Variants in CTCFL observed in about 807,000 individuals in gnomAD.
CTCFL encodes the protein transcriptional repressor CTCFL.
CTCFL carries 36 observed loss-of-function variants against 67.4 expected under a neutral mutation model. The ratio of observed to expected loss-of-function variants is 0.53; its 90% CI spans 0.41 to 0.71. The LOEUF is 0.71. Among genes scored for constraint, CTCFL ranks in the 30% least tolerant of loss-of-function variants. CTCFL has a pLI of 0.00. For synonymous variants in CTCFL, 324 were observed against 302.3 expected (o/e 1.07, Z -0.75); for missense variants, 786 against 835.2 (o/e 0.94, Z 0.73).
intron 3 of CTCFL, among the ~76,000 whole-genome samples, chr20:57,521,092 T>C (rs2069321839): frequency 6.6e-6 from 1 of 152,230 alleles, no homozygotes; most frequent in Admixed American, 6.5e-5. Context: ...CCCGACAGCC[T>C]TGCAAGAGAG....
chr20:57,507,317 A>C, intron 9 of CTCFL: 1 of 438,920 alleles, frequency 2.3e-6, no homozygotes. Context: ...CCAACCACCC[A>C]AGTAGCTGGG....
chr20:57,506,334 C>T (rs1030405261), intron 9 of CTCFL, among the ~76,000 whole-genome samples: 1 of 152,166 alleles, frequency 6.6e-6, no homozygotes, highest in African/African-American at 2.4e-5. Context: ...GAGACAGTCT[C>T]GCTCTGTTGC....
chr20:57,511,838 A>G (rs1006462559), intron 8 of CTCFL, among the ~76,000 whole-genome samples: 1 of 151,834 alleles, frequency 6.6e-6, no homozygotes, highest in African/African-American at 2.4e-5. Flanking sequence ...AGTGATCCAC[A>G]TGCCTCGGCC....
chr20:57,496,472 A>G (rs2067725661), downstream of CTCFL: 1 of 455,790 alleles, frequency 2.2e-6, no homozygotes, highest in South Asian at 4.6e-5. Flanking sequence ...CATTTTAGCT[A>G]TTTTTAAATG....
chr20:57,508,915 T>C (rs1018766451), intron 8 of CTCFL, 127 bp from the exon 9 acceptor site: 35 of 838,592 alleles, frequency 4.2e-5, no homozygotes, highest in South Asian at 3.8e-4. Context: ...GCAGAATTAC[T>C]GCAAACACAT....
chr20:57,514,863 C>A lies in CTCFL; in HGVS notation c.1181-122G>T, dbSNP rs1600665907. ...CTTTATCAACCCCCTTCTCACCGGA[C>A]AACCCCCAATTAGTATGAGACTCCC... On this transcript the variant is annotated intron_variant, in intron 6 of 10. Coordinates refer to ENST00000243914, the MANE Select transcript of CTCFL (RefSeq NM_001386993.1). 3 of 1,007,638 alleles carry A rather than the reference C, an allele frequency of 3.0e-6. No homozygotes were observed. In the East Asian group the frequency reaches 7.4e-5, roughly 25 times the overall value. 62.4% of individuals were successfully genotyped at this position (1,007,638 alleles called of 1,614,324 possible).
Position 57,523,206 on chromosome 20 carries a change from T to C in CTCFL, c.616A>G (p.Met206Val), listed in dbSNP as rs370388349. The change falls in exon 3 of 11, where the codon ATG becomes GTG. Residue 206 changes from methionine to valine, a missense_variant. Around this residue, in one of 3 missense-constraint regions of CTCFL, gnomAD observed 333 missense variants for 304.6 expected, o/e 1.09. Coordinates refer to ENST00000243914, the MANE Select transcript of CTCFL (RefSeq NM_001386993.1). Reference sequence around the variant, plus strand: ...TCGTCACTTCTTTCATCTCCTGACATTGTTTCCACAAAAAAGAGCTGCTCC... The same window carrying C: ...TCGTCACTTCTTTCATCTCCTGACACTGTTTCCACAAAAAAGAGCTGCTCC... ...TKEQLFFVET[M>V]SGDERSDEIV... 4 of 1,613,972 alleles carry C rather than the reference T, an allele frequency of 2.5e-6. No homozygotes were observed. Among genetic ancestry groups the C allele is most frequent in the Non-Finnish European group, 8.5e-7 (1 of 1,180,022 alleles).
At chr20:57,512,498 C>G (rs2068628282) in intron 8 of CTCFL, 94 bp downstream of exon 8, 5 of 1,283,304 alleles carry the variant, frequency 3.9e-6, no homozygotes. Context: ...AAAAGCATGA[C>G]TTTTCTCAGT....
In CTCFL at chr20:57,508,741, T is replaced by C. The variant is rs2068366673; in HGVS notation, c.1539A>G (p.Pro513=). ...ATTTATTGCAAGAAAGGCAGGTGAATGGTTTCTCTCCAGTGTGGGTACGAA... is the reference window on the plus strand; with the variant it reads ...ATTTATTGCAAGAAAGGCAGGTGAACGGTTTCTCTCCAGTGTGGGTACGAA... ...AHIRTHTGEK[P]FTCLSCNKCF... The change falls in exon 9 of 11, where the codon CCA becomes CCG. Residue 513 remains proline, a synonymous_variant. Coordinates refer to ENST00000243914, the MANE Select transcript of CTCFL (RefSeq NM_001386993.1). 1 of 1,614,094 alleles carries C rather than the reference T, an allele frequency of 6.2e-7. No homozygotes were observed. Among genetic ancestry groups the C allele is most frequent in the Non-Finnish European group, 8.5e-7 (1 of 1,180,048 alleles).
Position 57,522,325 on chromosome 20 carries a change from T to C in CTCFL, c.754+743A>G, listed in dbSNP as rs147293866. 2.9e-4 allele frequency among the ~76,000 whole-genome samples: 44 copies of C among 152,266 alleles called. No individual in the cohort carries two copies. In the East Asian group the frequency reaches 7.7e-3, roughly 27 times the overall value. ...AGATATAATTTAAAAGAGCTAGAAA[T>C]TGAAATTTTGGGGGTGAAATATGTT... is the stretch of plus-strand genomic sequence containing the variant. On this transcript the variant is annotated intron_variant, in intron 3 of 10. Coordinates refer to ENST00000243914, the MANE Select transcript of CTCFL (RefSeq NM_001386993.1).
chr20:57,522,873 AAC>A (rs2069491039), intron 3 of CTCFL, among the ~76,000 whole-genome samples, 193 bp downstream of exon 3: 1 of 152,222 alleles, frequency 6.6e-6, no homozygotes, highest in African/African-American at 2.4e-5. Flanking sequence ...GTGCTTTCAA[AAC>A]GTTTGTGTGT....
At chr20:57,523,570 G>A in intron 2 of CTCFL, 93 bp downstream of exon 2, 1 of 1,500,638 alleles carries the variant, frequency 6.7e-7, no homozygotes, top group Non-Finnish European at 8.9e-7. Flanking sequence ...ATTTGCAACT[G>A]CAAAATACCT....
chr20:57,502,503 G>T (rs187929584), intron 10 of CTCFL, among the ~76,000 whole-genome samples: 1 of 152,232 alleles, frequency 6.6e-6, no homozygotes, highest in Non-Finnish European at 1.5e-5. Context: ...CGTCATCTGT[G>T]GGAACATTCG....
rs747047790 is a variant in CTCFL, at chr20:57,512,721, G to A, written c.1362C>T (p.Ser454=). ...AGTAGCGGCATTTCAGCTCTGCAGC[G>A]CTGTAAGCATGCAAGTTGCGCATAT... is the stretch of plus-strand genomic sequence containing the variant. ...RVHMRNLHAY[S]AAELKCRYCS... Residue 454 remains serine (S), a synonymous_variant, in exon 8 of 11, where the codon AGC becomes AGT. Coordinates refer to ENST00000243914, the MANE Select transcript of CTCFL (RefSeq NM_001386993.1). 6.8e-6 allele frequency: 11 copies of A among 1,614,054 alleles called. No individual in the cohort carries two copies. Among genetic ancestry groups the A allele is most frequent in the East Asian group, 6.7e-5 (3 of 44,902 alleles).
chr20:57,502,381 A>G (rs1017773603), intron 10 of CTCFL, among the ~76,000 whole-genome samples: 1 of 152,236 alleles, frequency 6.6e-6, no homozygotes, highest in Non-Finnish European at 1.5e-5. Context: ...TATCCCAAAT[A>G]GTGCATGGGA....
intron 9 of CTCFL, chr20:57,507,348 C>T (rs1043647190): frequency 7.1e-5 from 38 of 532,832 alleles, no homozygotes; most frequent in East Asian, 1.3e-4. Context: ...TGCACTACCA[C>T]GCCTAGCTAT....
At chr20:57,520,192 C>T (rs1489054124) in intron 3 of CTCFL, among the ~76,000 whole-genome samples, 1 of 152,164 alleles carries the variant, frequency 6.6e-6, no homozygotes, top group Non-Finnish European at 1.5e-5. Flanking sequence ...AGTTTTTGAC[C>T]ATCACTGCCT....
chr20:57,507,826 A>C, intron 9 of CTCFL: 1 of 702,982 alleles, frequency 1.4e-6, no homozygotes. Flanking sequence ...GTTTTAAGCC[A>C]CTCCATTTTG....
chr20:57,519,245 G>A lies in CTCFL; in HGVS notation c.887C>T (p.Thr296Met), dbSNP rs1377403378. 14 of 1,614,038 alleles carry A rather than the reference G, an allele frequency of 8.7e-6. No individual in the cohort carries two copies. The highest frequency in any genetic ancestry group is 1.7e-5 in the Admixed American group (1 of 60,000). The change falls in exon 4 of 11, where the codon ACG becomes ATG. Residue 296 changes from threonine (T) to methionine (M), a missense_variant. Physicochemically the swap from Thr to Met is moderately conservative, Grantham distance 81. Coordinates refer to ENST00000243914, the MANE Select transcript of CTCFL (RefSeq NM_001386993.1). ...LCHLCLKTFR[T>M]VTLLRNHVNT... ...AACATGGTTCCGCAGCAGAGTGACC[G>A]TACGGAAGGTTTTCAGGCAGAGGTG... is the stretch of plus-strand genomic sequence containing the variant.
Sources: gnomAD v4.1 joint callset for allele counts (sites outside exome capture counted in the v4.1 genomes callset) on GRCh38, gnomAD v4.1.1 for gene constraint, gnomAD v4.1.1 regional missense constraint, MANE v1.5 for transcripts, NCBI Gene and HGNC (gene_info 2026-07-23, HGNC 2026-07-21) for gene names.